MAGEC3: variants seen among roughly 807,000 people sequenced by gnomAD.
MAGEC3 encodes the protein melanoma-associated antigen C3.
In MAGEC3, 34 loss-of-function variants were observed where a neutral mutation model predicts 35.3. That is an observed-to-expected ratio of 0.96 (90% CI 0.73 to 1.28). MAGEC3 has a LOEUF of 1.28. Ranked by LOEUF, MAGEC3 falls within the 50% of genes most tolerant of loss-of-function variation. The probability of loss-of-function intolerance (pLI) is 0.00; values close to 1 mark genes in which losing one functional copy is unlikely to be tolerated. For synonymous variants in MAGEC3, 202 were observed against 185.6 expected, an observed-to-expected ratio of 1.09 and a Z score of -0.72; for missense variants, 561 against 483.6, an observed-to-expected ratio of 1.16 and a Z score of -1.50.
chrX:141,887,330 C>T (rs1054772979), intron 4 of MAGEC3, among the ~76,000 whole-genome samples: 1 of 112,284 alleles, frequency 8.9e-6, no homozygotes, highest in African/African-American at 3.2e-5. Flanking sequence ...ACATTGATGA[C>T]ATTATGCCGA....
At chrX:141,852,581 T>C (rs1301065089) in intron 1 of MAGEC3, among the ~76,000 whole-genome samples, 2 of 110,913 alleles carry the variant, frequency 1.8e-5, no homozygotes, top group Non-Finnish European at 3.8e-5. Flanking sequence ...TTTTATGCAC[T>C]CTTTGTCAAG....
intron 3 of MAGEC3, among the ~76,000 whole-genome samples, chrX:141,880,282 C>G (rs1327364908): frequency 2.7e-5 from 3 of 111,401 alleles, no homozygotes; most frequent in African/African-American, 9.9e-5. Context: ...TCACTACCTC[C>G]CACTGCTCTC....
intron 6 of MAGEC3, among the ~76,000 whole-genome samples, chrX:141,895,966 A>G (rs2018090198): frequency 9.0e-6 from 1 of 111,582 alleles, no homozygotes; most frequent in Non-Finnish European, 1.9e-5. Context: ...CGCTGCTCTC[A>G]GGGATGTGGA....
intron 1 of MAGEC3, among the ~76,000 whole-genome samples, chrX:141,854,007 T>A (rs2017766133): frequency 9.0e-6 from 1 of 111,359 alleles, no homozygotes; most frequent in Non-Finnish European, 1.9e-5. Flanking sequence ...AAGGTGATAG[T>A]GGACTTGAAT....
intron 1 of MAGEC3, among the ~76,000 whole-genome samples, chrX:141,859,077 C>CT (rs34000383): frequency 0.028 from 2,844 of 100,125 alleles, 45 homozygotes; most frequent in African/African-American, 0.056. Context: ...TTGTTTCTGT[C>CT]TTTTTTTTTT....
In MAGEC3 at chrX:141,897,733, GGAA is replaced by G; in HGVS notation, c.1836_1838del (p.Glu612del). Reference sequence around the variant, plus strand: ...GGTACATGGATGCTTTGAAAGATATGGAAGACAGAGCCCAGGCCATAATTGACA... The same window carrying G: ...GGTACATGGATGCTTTGAAAGATATGGACAGAGCCCAGGCCATAATTGACA... On this transcript the variant is annotated inframe_deletion, in exon 8 of 8. Coordinates refer to ENST00000298296, the MANE Select transcript of MAGEC3 (RefSeq NM_138702.1). 8.3e-7 allele frequency: 1 copy of G among 1,211,632 alleles called. No homozygotes were observed. The highest frequency in any genetic ancestry group is 1.1e-6 in the Non-Finnish European group (1 of 895,499).
At chrX:141,839,787 C>T in intron 1 of MAGEC3, 1 of 655,073 alleles carries the variant, frequency 1.5e-6, no homozygotes, top group Non-Finnish European at 1.8e-6. Flanking sequence ...GATTTTGCCA[C>T]TTAGGGGATA....
chrX:141,856,407 C>T (rs1036985624), intron 1 of MAGEC3, among the ~76,000 whole-genome samples: 8 of 111,424 alleles, frequency 7.2e-5, no homozygotes, highest in Non-Finnish European at 1.9e-5. Context: ...CTTTTCTATA[C>T]TTTAATTCTG....
At position 141,879,345 on chromosome X, in the gene MAGEC3, T is replaced by C. The variant is rs768126834; in HGVS notation, c.429T>C (p.Leu143=). 76 of 1,198,416 alleles carry C rather than the reference T, an allele frequency of 6.3e-5. No homozygotes were observed. The highest frequency in any genetic ancestry group is 1.3e-4 in the South Asian group (7 of 54,739). ...GAACTCTGTGGAAGGACAGTGACCT[T>C]CCAACATGGAGGAGAGGCACAGGCT... ...EKRTLWKDSD[L]PTWRRGTGYT... Residue 143 remains leucine, a synonymous_variant, in exon 3 of 8, where the codon CTT becomes CTC. Transcript: ENST00000298296.
intron 1 of MAGEC3, among the ~76,000 whole-genome samples, chrX:141,851,653 C>T (rs2017751497): frequency 9.0e-6 from 1 of 110,635 alleles, no homozygotes; most frequent in South Asian, 3.8e-4. Flanking sequence ...GCATTTTTTC[C>T]TTGTCCCAGA....
chrX:141,839,650 A>G (rs746491618), intron 1 of MAGEC3: 1 of 744,775 alleles, frequency 1.3e-6, no homozygotes, highest in Non-Finnish European at 1.6e-6. Flanking sequence ...ATTTTATTTT[A>G]TAAATATGAA....
intron 4 of MAGEC3, among the ~76,000 whole-genome samples, chrX:141,891,689 ATATATATT>A (rs2018043000): frequency 9.6e-6 from 1 of 103,726 alleles, no homozygotes; most frequent in African/African-American, 3.5e-5. Context: ...ATATATAAAT[ATATATATT>A]TATATATGCA....
intron 4 of MAGEC3, chrX:141,894,664 G>A (rs1272179833): frequency 1.0e-6 from 1 of 970,260 alleles, no homozygotes; most frequent in Non-Finnish European, 1.3e-6. Flanking sequence ...CAGTTAAGCA[G>A]AGAAAGGAGC....
At chrX:141,866,301 G>A (rs1484052747) in intron 2 of MAGEC3, among the ~76,000 whole-genome samples, 1 of 111,944 alleles carries the variant, frequency 8.9e-6, no homozygotes, top group Non-Finnish European at 1.9e-5. Context: ...CCATGGAGCT[G>A]TAATCCATGT....
At chrX:141,844,375 T>G (rs2017704346) in intron 1 of MAGEC3, among the ~76,000 whole-genome samples, 1 of 111,108 alleles carries the variant, frequency 9.0e-6, no homozygotes, top group Non-Finnish European at 1.9e-5. Flanking sequence ...CAGCTCTCAG[T>G]GTAGTTGCAA....
At position 141,881,699 on chromosome X, in the gene MAGEC3, C is replaced by G. The variant is rs1603073355; in HGVS notation, c.812C>G (p.Pro271Arg). The G allele has an allele frequency of 2.5e-6, 3 of 1,211,079 alleles. No homozygotes were observed. The Middle Eastern group carries it at 6.9e-4, about 278-fold the overall frequency. The stretch of plus-strand genomic sequence containing the variant: ...AGTCTGAGTGATGAGCAGGGCATGC[C>G]CCAGAACCGCCTCCTGATTCTTATT... ...EGSLSDEQGM[P>R]QNRLLILILS... The change falls in exon 4 of 8, where the codon CCC becomes CGC. Residue 271 changes from proline to arginine, a missense_variant. Coordinates refer to ENST00000298296, the MANE Select transcript of MAGEC3 (RefSeq NM_138702.1).
intron 1 of MAGEC3, among the ~76,000 whole-genome samples, chrX:141,840,791 A>C (rs1265105207): frequency 1.8e-5 from 2 of 109,532 alleles, no homozygotes; most frequent in African/African-American, 3.3e-5. Context: ...AAAAAAAAAA[A>C]CCCCACAAGA....
At chrX:141,895,139 G>C in intron 4 of MAGEC3, 130 bp from the exon 5 acceptor site, 2 of 770,352 alleles carry the variant, frequency 2.6e-6, no homozygotes, top group Middle Eastern at 9.5e-4. Flanking sequence ...AAGGGGTCGG[G>C]GGGCGCTGAG....
chrX:141,867,996 G>A (rs1197836319), intron 2 of MAGEC3, among the ~76,000 whole-genome samples: 3 of 110,389 alleles, frequency 2.7e-5, no homozygotes, highest in South Asian at 3.9e-4. Flanking sequence ...GGTGGTGGGC[G>A]CCTGTAGTCC....
Sources: allele counts gnomAD v4.1 joint callset (sites outside exome capture counted in the v4.1 genomes callset), GRCh38; gene constraint gnomAD v4.1.1; transcripts MANE v1.5; gene names NCBI Gene and HGNC (gene_info 2026-07-23, HGNC 2026-07-21).